The following RABGAP1 variants were observed in gnomAD, a reference collection of about 807,000 sequenced individuals.
RABGAP1 encodes RAB GTPase activating protein 1.
RABGAP1 carries 23 observed loss-of-function variants against 137.6 expected under a neutral mutation model. That is an observed-to-expected ratio of 0.17 (90% CI 0.12 to 0.24). The LOEUF is 0.24. Among genes scored for constraint, RABGAP1 ranks in the 10% least tolerant of loss-of-function variants. The probability of loss-of-function intolerance (pLI) is 1.00; values close to 1 mark genes in which losing one functional copy is unlikely to be tolerated. For missense variants in RABGAP1, 906 were observed against 1,275.8 expected, an observed-to-expected ratio of 0.71 and a Z score of 4.42; for synonymous variants, 451 against 450.7, an observed-to-expected ratio of 1.00 and a Z score of -0.01.
the RABGAP1 span, among the ~76,000 whole-genome samples, chr9:122,932,794 A>G: frequency 2.6e-5 from 4 of 152,094 alleles, no homozygotes; most frequent in Admixed American, 2.0e-4. Flanking sequence ...GGCCTCCCAA[A>G]GTGCTGGGAT....
chr9:123,093,489 C>T (rs548852016), intron 21 of RABGAP1, among the ~76,000 whole-genome samples: 1 of 152,356 alleles, frequency 6.6e-6, no homozygotes, highest in Admixed American at 6.5e-5. Context: ...AGGAAACTTG[C>T]TGGTGAGCCC....
intron 1 of RABGAP1, among the ~76,000 whole-genome samples, chr9:122,947,899 T>C (rs1195251233): frequency 6.6e-6 from 1 of 152,122 alleles, no homozygotes; most frequent in African/African-American, 2.4e-5. Context: ...TAGCAGTTAG[T>C]AGTGGTGGAA....
chr9:123,005,449 T>A (rs146551639), intron 10 of RABGAP1, among the ~76,000 whole-genome samples: 311 of 152,328 alleles, frequency 2.0e-3, no homozygotes, highest in African/African-American at 7.3e-3. Context: ...CTGATTTCAT[T>A]TTTGTGAAGA....
At chr9:123,059,996 C>T (rs2033904528) in intron 13 of RABGAP1, among the ~76,000 whole-genome samples, 1 of 152,214 alleles carries the variant, frequency 6.6e-6, no homozygotes. Flanking sequence ...AGAATCCAGA[C>T]TCTGCAGAAA....
At chr9:123,042,231 C>T (rs2032988214) in intron 13 of RABGAP1, among the ~76,000 whole-genome samples, 1 of 152,220 alleles carries the variant, frequency 6.6e-6, no homozygotes, top group South Asian at 2.1e-4. Context: ...AAAATAGCCA[C>T]ATTCCCTGCC....
At position 122,995,599 on chromosome 9, in the gene RABGAP1, C is replaced by T. The variant is rs937755412; in HGVS notation, c.924-442C>T. ...TTTTTTTTTTTTTGAGATGTAGTCT[C>T]GCTCTGTCACCCATGCTGGAGTGTA... On this transcript the variant is annotated intron_variant, in intron 6 of 25. Transcript: ENST00000373647. Among the ~76,000 whole-genome samples, 13 of 120,644 alleles carry T rather than the reference C, an allele frequency of 1.1e-4. No homozygotes were observed. The South Asian group carries it at 1.5e-3, about 14-fold the overall frequency. The allele number at this position is 120,644 out of a possible 152,430, so 79.1% of individuals were successfully genotyped here.
chr9:122,966,850 T>C (rs1426132354), intron 2 of RABGAP1, among the ~76,000 whole-genome samples: 1 of 152,106 alleles, frequency 6.6e-6, no homozygotes. Context: ...AGTCATGTCT[T>C]ACATGGATGG....
intron 13 of RABGAP1, chr9:123,029,729 T>C (rs2032194301): frequency 1.6e-6 from 1 of 640,296 alleles, no homozygotes; most frequent in Non-Finnish European, 3.0e-6. Flanking sequence ...GTGTCTGTCT[T>C]CTTCTTGTAG....
intron 10 of RABGAP1, among the ~76,000 whole-genome samples, chr9:123,005,288 A>AT (rs35028470): frequency 1.5e-4 from 22 of 146,752 alleles, no homozygotes; most frequent in East Asian, 1.0e-3. Context: ...GGGGCTTGGG[A>AT]TTTTTTTTTT....
chr9:122,982,048 C>CAAAAAAAAAAA (rs761154597), intron 2 of RABGAP1, among the ~76,000 whole-genome samples: 1 of 73,624 alleles, frequency 1.4e-5, no homozygotes. Context: ...GACTCTGTCT[C>CAAAAAAAAAAA]AAAAAAAAAA....
At chr9:122,953,086 A>G (rs1834335539) in intron 1 of RABGAP1, among the ~76,000 whole-genome samples, 1 of 152,214 alleles carries the variant, frequency 6.6e-6, no homozygotes, top group Admixed American at 6.5e-5. Context: ...TTTCCTCAGT[A>G]ATGTGTTTCC....
chr9:123,066,883 G>A (rs1335384928), intron 14 of RABGAP1, among the ~76,000 whole-genome samples: 1 of 152,112 alleles, frequency 6.6e-6, no homozygotes, highest in Non-Finnish European at 1.5e-5. Context: ...ATAATGATTA[G>A]TCTAACTGAT....
intron 3 of RABGAP1, 41 bp from the exon 4 acceptor site, chr9:122,986,174 A>C: frequency 3.2e-6 from 5 of 1,559,928 alleles, no homozygotes; most frequent in Non-Finnish European, 4.4e-6. Context: ...ACAAAATATC[A>C]AAGTGAAAGT....
At chr9:122,971,791 A>G (rs1053342714) in intron 2 of RABGAP1, 3 of 152,248 alleles carry the variant, frequency 2.0e-5, no homozygotes, top group Non-Finnish European at 2.9e-5. Context: ...AAGATATGAA[A>G]GACCACTTAA....
chr9:123,049,614 T>C (rs1007151434), intron 13 of RABGAP1, among the ~76,000 whole-genome samples: 1 of 152,230 alleles, frequency 6.6e-6, no homozygotes, highest in Non-Finnish European at 1.5e-5. Flanking sequence ...CCACCTGATT[T>C]CTTTATAATT....
chr9:123,027,595 A>G (rs2032051581), intron 13 of RABGAP1, among the ~76,000 whole-genome samples: 1 of 152,238 alleles, frequency 6.6e-6, no homozygotes, highest in African/African-American at 2.4e-5. Context: ...TCATAAGCAT[A>G]TGCCTGTGGA....
intron 1 of RABGAP1, among the ~76,000 whole-genome samples, chr9:122,945,169 A>T (rs1833882683): frequency 6.1e-5 from 1 of 16,314 alleles, no homozygotes; most frequent in Admixed American, 4.7e-4. Flanking sequence ...TTTTTAGCAT[A>T]AACTGGTTAC....
At chr9:123,035,557 A>G in intron 13 of RABGAP1, 2 of 1,613,176 alleles carry the variant, frequency 1.2e-6, no homozygotes. Context: ...AAGTCAGACT[A>G]CAGCCAACGA....
intron 2 of RABGAP1, among the ~76,000 whole-genome samples, chr9:122,983,684 T>C (rs1836205274): frequency 6.6e-6 from 1 of 152,214 alleles, no homozygotes. Context: ...TCCCTCTTTT[T>C]TCCCATGACT....
Sources: allele counts gnomAD v4.1 joint callset (sites outside exome capture counted in the v4.1 genomes callset), GRCh38; gene constraint gnomAD v4.1.1; transcripts MANE v1.5; gene names NCBI Gene and HGNC (gene_info 2026-07-23, HGNC 2026-07-21).